The following BRINP3 variants were observed in gnomAD, a reference collection of about 807,000 sequenced individuals.
BRINP3 encodes the protein BMP/retinoic acid inducible neural specific 3.
Under a neutral mutation model 71.0 loss-of-function variants are expected in BRINP3, and 19 were observed. The observed-to-expected ratio is 0.27, with a 90% confidence interval of 0.19 to 0.39. The LOEUF (loss-of-function observed/expected upper bound fraction) is 0.39. Ranked by LOEUF, BRINP3 falls within the 10% of genes least tolerant of loss-of-function variation. BRINP3 has a pLI of 1.00. For missense variants in BRINP3, 959 were observed against 940.8 expected (o/e 1.02, Z -0.25); for synonymous variants, 380 against 337.7 (o/e 1.13, Z -1.37).
At chr1:190,396,090 T>C (rs1031620259) in intron 2 of BRINP3, among the ~76,000 whole-genome samples, 1 of 151,868 alleles carries the variant, frequency 6.6e-6, no homozygotes, top group African/African-American at 2.4e-5. Context: ...TATGTCATCC[T>C]CCTAACAAAA....
chr1:190,307,141 A>G (rs1665159960), intron 2 of BRINP3, among the ~76,000 whole-genome samples: 1 of 151,840 alleles, frequency 6.6e-6, no homozygotes, highest in African/African-American at 2.4e-5. Context: ...TGACATTGCT[A>G]AAGTTAAAGA....
chr1:190,165,973 T>C (rs1651499382), intron 6 of BRINP3, among the ~76,000 whole-genome samples: 1 of 152,168 alleles, frequency 6.6e-6, no homozygotes, highest in Admixed American at 6.5e-5. Context: ...TGGTAGATTT[T>C]TTACTTTTGC....
At chr1:190,203,490 T>TAC (rs1558061569) in intron 6 of BRINP3, among the ~76,000 whole-genome samples, 1 of 149,576 alleles carries the variant, frequency 6.7e-6, no homozygotes, top group Non-Finnish European at 1.5e-5. Context: ...TATATATATA[T>TAC]ATACATATAT....
intron 7 of BRINP3, among the ~76,000 whole-genome samples, chr1:190,130,099 T>G (rs572477282): frequency 6.6e-6 from 1 of 151,986 alleles, no homozygotes; most frequent in Non-Finnish European, 1.5e-5. Flanking sequence ...ACAAAAAAAT[T>G]TGTCTGACTT....
chr1:190,321,141 C>T (rs1158257367), intron 2 of BRINP3, among the ~76,000 whole-genome samples: 1 of 151,962 alleles, frequency 6.6e-6, no homozygotes, highest in Non-Finnish European at 1.5e-5. Context: ...GGCAACACGA[C>T]CCTACCATCT....
At chr1:190,322,107 G>A (rs1666285885) in intron 2 of BRINP3, among the ~76,000 whole-genome samples, 1 of 151,740 alleles carries the variant, frequency 6.6e-6, no homozygotes, top group Admixed American at 6.6e-5. Context: ...TTAAATGAAA[G>A]GTAGTTCATA....
chr1:190,383,363 A>T (rs1201694841), intron 2 of BRINP3, among the ~76,000 whole-genome samples: 3 of 152,110 alleles, frequency 2.0e-5, no homozygotes, highest in African/African-American at 7.2e-5. Flanking sequence ...AACTCATCAC[A>T]ATGACATTGT....
intron 2 of BRINP3, among the ~76,000 whole-genome samples, chr1:190,289,943 T>C (rs548324696): frequency 2.0e-5 from 3 of 152,050 alleles, no homozygotes; most frequent in Non-Finnish European, 4.4e-5. Flanking sequence ...ATAACCATTG[T>C]ATTTTTAAGA....
At chr1:190,216,656 G>C (rs944894768) in intron 6 of BRINP3, among the ~76,000 whole-genome samples, 1 of 151,816 alleles carries the variant, frequency 6.6e-6, no homozygotes, top group East Asian at 1.9e-4. Context: ...TTAGCATTCT[G>C]TGCTAATCCT....
At chr1:190,375,090 G>A (rs188606434) in intron 2 of BRINP3, among the ~76,000 whole-genome samples, 1 of 151,936 alleles carries the variant, frequency 6.6e-6, no homozygotes, top group Admixed American at 6.6e-5. Context: ...AAATAAATCA[G>A]GTATAATGGA....
intron 3 of BRINP3, among the ~76,000 whole-genome samples, chr1:190,275,021 G>A (rs901810745): frequency 1.3e-5 from 2 of 151,492 alleles, no homozygotes; most frequent in African/African-American, 4.8e-5. Flanking sequence ...GTATCCCAAA[G>A]GAGAGCAACT....
chr1:190,319,482 A>G (rs1027594264), intron 2 of BRINP3, among the ~76,000 whole-genome samples: 1 of 152,124 alleles, frequency 6.6e-6, no homozygotes, highest in Non-Finnish European at 1.5e-5. Flanking sequence ...GAAACATTTG[A>G]GGCTGGGTAA....
At chr1:190,145,379 T>C (rs1655797781) in intron 7 of BRINP3, among the ~76,000 whole-genome samples, 1 of 152,208 alleles carries the variant, frequency 6.6e-6, no homozygotes, top group African/African-American at 2.4e-5. Flanking sequence ...CATTTGTAAC[T>C]ATGATCTTTA....
At chr1:190,398,109 A>T (rs1167799931) in intron 2 of BRINP3, among the ~76,000 whole-genome samples, 1 of 151,940 alleles carries the variant, frequency 6.6e-6, no homozygotes, top group Non-Finnish European at 1.5e-5. Flanking sequence ...CCCAAAAGTG[A>T]TTTAATTTTA....
intron 2 of BRINP3, among the ~76,000 whole-genome samples, chr1:190,317,206 C>T (rs1240601504): frequency 1.3e-5 from 2 of 149,170 alleles, no homozygotes; most frequent in Non-Finnish European, 3.0e-5. Context: ...TCTAAAATAC[C>T]TTGCCTTAAA....
At chr1:190,323,923 G>A (rs1031014071) in intron 2 of BRINP3, among the ~76,000 whole-genome samples, 1 of 151,816 alleles carries the variant, frequency 6.6e-6, no homozygotes, top group Non-Finnish European at 1.5e-5. Flanking sequence ...ATAAATTGTT[G>A]TTGAAAAGAA....
At position 190,352,858 on chromosome 1, in the gene BRINP3, TC is replaced by T. The variant is rs1184270831; in HGVS notation, c.237-71109del. On this transcript the variant is annotated intron_variant, in intron 2 of 7. Coordinates refer to ENST00000367462, the MANE Select transcript of BRINP3 (RefSeq NM_199051.3). ...CAGATATTCTCTCTCTCTCTCTCTCTCTGTGTGTGTATGTGCATGTCTCTCT... is the reference window on the plus strand; with the variant it reads ...CAGATATTCTCTCTCTCTCTCTCTCTTGTGTGTGTATGTGCATGTCTCTCT... Among the ~76,000 whole-genome samples, 1,326 of 151,752 alleles carry T rather than the reference TC, an allele frequency of 8.7e-3. 12 individuals carry two copies. The highest frequency in any genetic ancestry group is 0.029 in the African/African-American group (1,212 of 41,426).
chr1:190,317,591 T>C (rs1476524051), intron 2 of BRINP3, among the ~76,000 whole-genome samples: 3 of 152,100 alleles, frequency 2.0e-5, no homozygotes, highest in African/African-American at 4.8e-5. Flanking sequence ...CAGTTATGCT[T>C]TTTCTAATTT....
At chr1:190,384,971 G>A (rs1280113016) in intron 2 of BRINP3, among the ~76,000 whole-genome samples, 1 of 150,766 alleles carries the variant, frequency 6.6e-6, no homozygotes, top group African/African-American at 2.4e-5. Flanking sequence ...AATGGGGAAA[G>A]GATTCCCTAT....
Sources: gnomAD v4.1 joint callset for allele counts (sites outside exome capture counted in the v4.1 genomes callset) on GRCh38, gnomAD v4.1.1 for gene constraint, MANE v1.5 for transcripts, NCBI Gene and HGNC (gene_info 2026-07-23, HGNC 2026-07-21) for gene names.